The following GLIS3 variants were observed in gnomAD, a reference collection of about 807,000 sequenced individuals.
GLIS3 encodes the protein zinc finger protein GLIS3.
A neutral mutation model predicts 78.6 loss-of-function variants in GLIS3; 53 were observed. The ratio of observed to expected loss-of-function variants is 0.67; its 90% CI spans 0.54 to 0.85. The LOEUF (loss-of-function observed/expected upper bound fraction) is 0.85. Ranked by LOEUF, GLIS3 falls within the 40% of genes least tolerant of loss-of-function variation. GLIS3 has a pLI of 0.00. For synonymous variants in GLIS3, 684 were observed against 509.9 expected (o/e 1.34, Z -4.60); for missense variants, 1,703 against 1,231.1 (o/e 1.38, Z -5.74).
intron 4 of GLIS3, among the ~76,000 whole-genome samples, chr9:3,942,890 CA>C (rs1476041177): frequency 6.6e-6 from 1 of 151,296 alleles, no homozygotes; most frequent in African/African-American, 2.4e-5. Flanking sequence ...ATAAAATAAA[CA>C]AAAGAACTAG....
chr9:4,400,881 A>C, the GLIS3 span, among the ~76,000 whole-genome samples: 1 of 152,198 alleles, frequency 6.6e-6, no homozygotes, highest in African/African-American at 2.4e-5. Flanking sequence ...CCTGCTAACT[A>C]AAGAGCCCTT....
At chr9:4,313,665 G>C (rs537522666) in intron 2 of GLIS3, among the ~76,000 whole-genome samples, 3 of 152,128 alleles carry the variant, frequency 2.0e-5, no homozygotes, top group Non-Finnish European at 4.4e-5. Context: ...CTAGTTACTA[G>C]AGTCTCCAAA....
chr9:4,117,715 C>G, intron 4 of GLIS3, 53 bp downstream of exon 4: 1 of 1,611,462 alleles, frequency 6.2e-7, no homozygotes, highest in Non-Finnish European at 8.5e-7. Flanking sequence ...CACACGTACG[C>G]AAAGCAAGCC....
intron 2 of GLIS3, among the ~76,000 whole-genome samples, chr9:4,213,985 C>G (rs1265206518): frequency 6.7e-6 from 1 of 149,130 alleles, no homozygotes; most frequent in African/African-American, 2.5e-5. Context: ...ATTTCAGAGA[C>G]AGACAGGTTA....
In GLIS3 at chr9:3,918,056, G is replaced by T. The variant is rs192317774; in HGVS notation, c.1983+14304C>A. Among the ~76,000 whole-genome samples, 427 of 152,342 alleles carry T rather than the reference G, an allele frequency of 2.8e-3. 1 individual carries two copies. Among genetic ancestry groups the T allele is most frequent in the Non-Finnish European group, 4.5e-3 (305 of 68,028 alleles). ...ACTGATGGCACTCATGGGCAGGACT[G>T]TAGACTCTCAAACAAATGTGGATGA... On this transcript the variant is annotated intron_variant, in intron 6 of 10. Transcript: ENST00000381971.
intron 2 of GLIS3, among the ~76,000 whole-genome samples, chr9:4,274,763 A>C (rs1167330659): frequency 2.0e-5 from 3 of 152,182 alleles, no homozygotes; most frequent in Non-Finnish European, 4.4e-5. Flanking sequence ...CACATCCATG[A>C]AGCCAGCCCT....
chr9:4,436,752 G>T, the GLIS3 span, among the ~76,000 whole-genome samples: 1 of 140,150 alleles, frequency 7.1e-6, no homozygotes, highest in Admixed American at 7.9e-5. Flanking sequence ...GTTGCAGTGA[G>T]CCGAGATTGC....
intron 4 of GLIS3, among the ~76,000 whole-genome samples, chr9:3,991,473 G>C (rs187649554): frequency 4.6e-5 from 7 of 152,214 alleles, no homozygotes; most frequent in Admixed American, 2.0e-4. Flanking sequence ...ATTTCATTTG[G>C]AGGCTTAATA....
At chr9:3,864,317 G>A (rs137871512) in intron 8 of GLIS3, among the ~76,000 whole-genome samples, 418 of 152,266 alleles carry the variant, frequency 2.7e-3, no homozygotes, top group Middle Eastern at 6.8e-3. Context: ...AAAGAAAAAC[G>A]TTCAGAAGAG....
At chr9:4,327,049 A>C (rs923565042) in intron 2 of GLIS3, among the ~76,000 whole-genome samples, 2 of 152,246 alleles carry the variant, frequency 1.3e-5, no homozygotes, top group South Asian at 4.1e-4. Context: ...TGAAACAAGT[A>C]ATCTCATAAA....
At chr9:4,241,490 T>A (rs1823306276) in intron 2 of GLIS3, among the ~76,000 whole-genome samples, 1 of 152,128 alleles carries the variant, frequency 6.6e-6, no homozygotes. Context: ...AGACAATACT[T>A]GAGGTGATGT....
chr9:4,086,726 G>C (rs1829054572), intron 4 of GLIS3, among the ~76,000 whole-genome samples: 1 of 152,180 alleles, frequency 6.6e-6, no homozygotes, highest in African/African-American at 2.4e-5. Flanking sequence ...AGGCTCTACA[G>C]CATGTGCCGG....
intron 2 of GLIS3, among the ~76,000 whole-genome samples, chr9:4,250,703 T>C (rs1204504686): frequency 6.6e-6 from 1 of 152,234 alleles, no homozygotes; most frequent in African/African-American, 2.4e-5. Context: ...ACTGTGATGT[T>C]AGGGTGTCAA....
chr9:3,981,857 T>A (rs1819315559), intron 4 of GLIS3, among the ~76,000 whole-genome samples: 1 of 152,112 alleles, frequency 6.6e-6, no homozygotes, highest in African/African-American at 2.4e-5. Context: ...TTTGGCAAAT[T>A]GCTTTCATGG....
chr9:4,047,122 C>T (rs1469011228), intron 4 of GLIS3, among the ~76,000 whole-genome samples: 2 of 152,154 alleles, frequency 1.3e-5, no homozygotes, highest in African/African-American at 2.4e-5. Context: ...ATCATGGGGG[C>T]TGTTTCCCCC....
upstream of GLIS3, among the ~76,000 whole-genome samples, chr9:4,300,845 G>T (rs1348922109): frequency 1.3e-5 from 2 of 151,860 alleles, no homozygotes; most frequent in African/African-American, 4.8e-5. Flanking sequence ...GGGAATCTAG[G>T]TATGTAATGC....
At chr9:3,842,487 A>G (rs1206331834) in intron 9 of GLIS3, among the ~76,000 whole-genome samples, 1 of 152,158 alleles carries the variant, frequency 6.6e-6, no homozygotes, top group Admixed American at 6.5e-5. Flanking sequence ...GACCTCCCCA[A>G]GAGATAAAGG....
chr9:4,162,242 G>A (rs771865212), intron 2 of GLIS3, among the ~76,000 whole-genome samples: 1 of 151,886 alleles, frequency 6.6e-6, no homozygotes, highest in Non-Finnish European at 1.5e-5. Flanking sequence ...ATCAATTACT[G>A]GATTAGATCC....
chr9:4,119,103 T>C (rs1190491744), intron 3 of GLIS3, among the ~76,000 whole-genome samples: 1 of 152,168 alleles, frequency 6.6e-6, no homozygotes. Context: ...TAATGCTCAC[T>C]GAAATAATGT....
Sources: gnomAD v4.1 joint callset for allele counts (sites outside exome capture counted in the v4.1 genomes callset) on GRCh38, gnomAD v4.1.1 for gene constraint, MANE v1.5 for transcripts, NCBI Gene and HGNC (gene_info 2026-07-23, HGNC 2026-07-21) for gene names.